Variants in EEFSEC observed in about 807,000 individuals in gnomAD.
EEFSEC encodes the protein selenocysteine-specific elongation factor.
In EEFSEC, 43 loss-of-function variants were observed where a neutral mutation model predicts 42.1. The ratio of observed to expected loss-of-function variants is 1.02; its 90% CI spans 0.80 to 1.32. The LOEUF (loss-of-function observed/expected upper bound fraction) is 1.32, where lower values mean the gene tolerates loss of function less well. Among genes scored for constraint, EEFSEC ranks in the 40% most tolerant of loss-of-function variants. EEFSEC has a pLI of 0.00. For missense variants in EEFSEC, 745 were observed against 803.6 expected, an observed-to-expected ratio of 0.93 and a Z score of 0.88; for synonymous variants, 354 against 339.1, an observed-to-expected ratio of 1.04 and a Z score of -0.48.
chr3:128,399,206 G>A (rs1247629265), intron 6 of EEFSEC, among the ~76,000 whole-genome samples: 1 of 152,150 alleles, frequency 6.6e-6, no homozygotes, highest in Non-Finnish European at 1.5e-5. Flanking sequence ...AATTTACATG[G>A]TGCGGGAAAG....
the EEFSEC span, among the ~76,000 whole-genome samples, chr3:128,414,069 C>A: frequency 6.6e-6 from 1 of 152,274 alleles, no homozygotes; most frequent in Non-Finnish European, 1.5e-5. Flanking sequence ...ACTTCCTCTG[C>A]CTCTCTCTGG....
intron 6 of EEFSEC, among the ~76,000 whole-genome samples, chr3:128,369,539 C>T (rs1177773153): frequency 6.6e-6 from 1 of 152,198 alleles, no homozygotes; most frequent in Non-Finnish European, 1.5e-5. Flanking sequence ...GAGACATTGG[C>T]AGGGCTGGTA....
At chr3:128,423,440 C>T in the EEFSEC span, among the ~76,000 whole-genome samples, 1 of 152,122 alleles carries the variant, frequency 6.6e-6, no homozygotes, top group East Asian at 1.9e-4. Flanking sequence ...GATTGCACCA[C>T]TGCACTCCAG....
intron 5 of EEFSEC, among the ~76,000 whole-genome samples, chr3:128,355,572 C>T (rs1390782037): frequency 2.1e-5 from 3 of 140,768 alleles, no homozygotes; most frequent in African/African-American, 5.3e-5. Context: ...TTAATATGTT[C>T]ATGTTATTGT....
the EEFSEC span, among the ~76,000 whole-genome samples, chr3:128,421,411 G>GT: frequency 2.0e-5 from 3 of 152,220 alleles, no homozygotes; most frequent in Non-Finnish European, 4.4e-5. Context: ...GATCTTGCCT[G>GT]TGCAAGCTCA....
At chr3:128,406,835 C>A (rs1431518867) in intron 6 of EEFSEC, among the ~76,000 whole-genome samples, 4 of 151,150 alleles carry the variant, frequency 2.6e-5, no homozygotes, top group Admixed American at 2.6e-4. Context: ...AACACACACA[C>A]AAATATATAT....
At chr3:128,373,376 G>A (rs1468305510) in intron 6 of EEFSEC, among the ~76,000 whole-genome samples, 3 of 152,200 alleles carry the variant, frequency 2.0e-5, no homozygotes, top group Non-Finnish European at 4.4e-5. Context: ...TGGCCACAGA[G>A]TCAGCTGAGT....
At chr3:128,311,273 A>G (rs939917623) in intron 4 of EEFSEC, among the ~76,000 whole-genome samples, 2 of 152,196 alleles carry the variant, frequency 1.3e-5, no homozygotes, top group Non-Finnish European at 2.9e-5. Flanking sequence ...TTCTCCTTTC[A>G]CAGCATTCAC....
At chr3:128,195,963 G>A (rs1342111567) in intron 1 of EEFSEC, among the ~76,000 whole-genome samples, 1 of 152,214 alleles carries the variant, frequency 6.6e-6, no homozygotes, top group Non-Finnish European at 1.5e-5. Context: ...GCTAGACTTG[G>A]GCAATGGCAT....
chr3:128,204,051 G>A (rs2065668614), intron 1 of EEFSEC, among the ~76,000 whole-genome samples: 1 of 152,234 alleles, frequency 6.6e-6, no homozygotes, highest in Non-Finnish European at 1.5e-5. Flanking sequence ...ATTAAGTGAT[G>A]TATTCCCAAG....
rs1431330602 is a variant in EEFSEC at position 128,341,548 on chromosome 3, A to G, written c.1102A>G (p.Asn368Asp). 6.2e-7 allele frequency: 1 copy of G among 1,614,044 alleles called. No homozygotes were observed. Among genetic ancestry groups the G allele is most frequent in the Non-Finnish European group, 8.5e-7 (1 of 1,180,024 alleles). ...FDQEPILDSFNFSQEYLFQEQ... is the reference protein window; with the variant it reads ...FDQEPILDSFDFSQEYLFQEQ... ...CCAGGAGCCTATACTGGACTCTTTCAACTTCTCTCAAGAATACCTTTTCCA... is the reference window on the plus strand; with the variant it reads ...CCAGGAGCCTATACTGGACTCTTTCGACTTCTCTCAAGAATACCTTTTCCA... The change falls in exon 5 of 7, where the codon AAC becomes GAC. Residue 368 changes from asparagine to aspartate, a missense_variant. Transcript: ENST00000254730.
chr3:128,220,986 T>TG (rs2065856247), intron 1 of EEFSEC, among the ~76,000 whole-genome samples: 1 of 152,260 alleles, frequency 6.6e-6, no homozygotes, highest in Non-Finnish European at 1.5e-5. Context: ...TGAATTCTCG[T>TG]TACTCTCAGT....
chr3:128,294,259 G>A (rs2066678836), intron 4 of EEFSEC, among the ~76,000 whole-genome samples: 1 of 152,176 alleles, frequency 6.6e-6, no homozygotes, highest in African/African-American at 2.4e-5. Flanking sequence ...AGGACTATCT[G>A]TCCTTCCTAG....
chr3:128,344,873 G>A (rs1487673481), intron 5 of EEFSEC, among the ~76,000 whole-genome samples: 1 of 152,210 alleles, frequency 6.6e-6, no homozygotes, highest in Non-Finnish European at 1.5e-5. Context: ...ATATGTAAGA[G>A]CCGACTCTCA....
At chr3:128,264,123 T>C (rs1370161203) in intron 3 of EEFSEC, among the ~76,000 whole-genome samples, 11 of 152,186 alleles carry the variant, frequency 7.2e-5, no homozygotes, top group Admixed American at 7.2e-4. Context: ...AGCCAGCTGG[T>C]AAAACTCTAG....
At chr3:128,335,647 A>C (rs1010862222) in intron 4 of EEFSEC, among the ~76,000 whole-genome samples, 1 of 152,216 alleles carries the variant, frequency 6.6e-6, no homozygotes, top group Non-Finnish European at 1.5e-5. Flanking sequence ...GAGAGCCTGG[A>C]GGCAAACCCC....
intron 4 of EEFSEC, among the ~76,000 whole-genome samples, chr3:128,282,680 T>C (rs536957513): frequency 6.6e-6 from 1 of 152,294 alleles, no homozygotes; most frequent in East Asian, 1.9e-4. Flanking sequence ...AAGATTTTCA[T>C]CATCTAGGTG....
chr3:128,422,457 T>G, the EEFSEC span, among the ~76,000 whole-genome samples: 1 of 152,276 alleles, frequency 6.6e-6, no homozygotes, highest in East Asian at 1.9e-4. Flanking sequence ...TTCTGGGGTA[T>G]GGTTTCCCAC....
At chr3:128,199,125 C>G (rs1375814680) in intron 1 of EEFSEC, among the ~76,000 whole-genome samples, 1 of 152,200 alleles carries the variant, frequency 6.6e-6, no homozygotes, top group Non-Finnish European at 1.5e-5. Context: ...AGCTACCACA[C>G]CTGGCCTGTG....
Sources: gnomAD v4.1 joint callset for allele counts (sites outside exome capture counted in the v4.1 genomes callset) on GRCh38, gnomAD v4.1.1 for gene constraint, MANE v1.5 for transcripts, NCBI Gene and HGNC (gene_info 2026-07-23, HGNC 2026-07-21) for gene names.